ZP3: variants seen among roughly 807,000 people sequenced by gnomAD.
ZP3 encodes the protein zona pellucida glycoprotein 3.
Under a neutral mutation model 35.6 loss-of-function variants are expected in ZP3, and 21 were observed. The ratio of observed to expected loss-of-function variants is 0.59; its 90% CI spans 0.42 to 0.85. The LOEUF (loss-of-function observed/expected upper bound fraction) is 0.85, where lower values mean the gene tolerates loss of function less well. ZP3 is among the 40% of genes least tolerant of loss of function. ZP3 has a pLI of 0.00. For synonymous variants in ZP3, 207 were observed against 214.5 expected (o/e 0.96, Z 0.31); for missense variants, 437 against 536.5 (o/e 0.81, Z 1.83).
At chr7:76,427,482 C>T (rs1805702667) in intron 1 of ZP3, among the ~76,000 whole-genome samples, 1 of 146,730 alleles carries the variant, frequency 6.8e-6, no homozygotes, top group South Asian at 2.1e-4. Context: ...TGCCACTGCA[C>T]TCCAGCCTGG....
upstream of ZP3, among the ~76,000 whole-genome samples, chr7:76,423,947 C>A (rs1484565771): frequency 6.6e-6 from 1 of 152,016 alleles, no homozygotes; most frequent in Non-Finnish European, 1.5e-5. Context: ...GGGGATTCAC[C>A]CAGGAATGAA....
chr7:76,413,728 G>A (rs960816618), intron 1 of ZP3, among the ~76,000 whole-genome samples: 7 of 151,656 alleles, frequency 4.6e-5, no homozygotes, highest in South Asian at 2.1e-4. Flanking sequence ...GTGTAGTGGC[G>A]TGATCATAGC....
chr7:76,441,322 T>C (rs1334252794), intron 7 of ZP3, among the ~76,000 whole-genome samples: 1 of 149,126 alleles, frequency 6.7e-6, no homozygotes, highest in Admixed American at 6.7e-5. Context: ...AAAAAGATGA[T>C]GTACTAGGGA....
intron 1 of ZP3, 121 bp downstream of exon 1, chr7:76,425,397 G>T: frequency 8.9e-7 from 1 of 1,122,248 alleles, no homozygotes; most frequent in Non-Finnish European, 1.2e-6. Flanking sequence ...TGTAGGTGGG[G>T]AGGTGGCCCA....
chr7:76,421,878 C>T (rs1164737783), upstream of ZP3, among the ~76,000 whole-genome samples: 4 of 151,188 alleles, frequency 2.6e-5, no homozygotes, highest in Non-Finnish European at 5.9e-5. Flanking sequence ...CCTGATAGGA[C>T]CCTTGCAGTA....
intron 2 of ZP3, among the ~76,000 whole-genome samples, chr7:76,432,348 C>G (rs1360293585): frequency 6.6e-6 from 1 of 151,994 alleles, no homozygotes; most frequent in Admixed American, 6.6e-5. Flanking sequence ...GCCACCATGC[C>G]CGGATAATTT....
chr7:76,399,012 T>C (rs1804729920), intron 1 of ZP3, among the ~76,000 whole-genome samples: 1 of 152,136 alleles, frequency 6.6e-6, no homozygotes, highest in African/African-American at 2.4e-5. Flanking sequence ...TGTTGTTTTT[T>C]ATTTTATTTT....
Position 76,440,494 on chromosome 7 carries a change from T to C in ZP3, c.943T>C (p.Ser315Pro), listed in dbSNP as rs2906999. 0.54 allele frequency: 831,655 copies of C among 1,534,510 alleles called. 209,915 individuals carry two copies. Among genetic ancestry groups the C allele is most frequent in the African/African-American group, 0.66 (47,447 of 71,756 alleles). Residue 315 changes from serine (S) to proline (P), a missense_variant, in exon 7 of 8, where the codon TCG becomes CCG. This residue lies in a region of ZP3 where 26 missense variants were observed against 78.2 expected (regional missense o/e 0.33). Transcript: ENST00000394857. ...TCTCAGCTGGTTCCCAGTGGAAGGC[T>C]CGGCTGACATCTGTCAATGCTGTAA... ...PSNSWFPVEG[S>P]ADICQCCNKG...
rs190681385 is a variant in ZP3 at position 76,400,496 on chromosome 7, C to T, written c.-67+2699C>T. 9.4e-6 allele frequency: 15 copies of T among 1,600,462 alleles called. 1 individual carries two copies. The highest frequency in any genetic ancestry group is 6.8e-5 in the Admixed American group (4 of 58,544). ...CGACACACTACGTTGGCGTCCACCA[C>T]GTCCCAGTCGTCATCACAGACGCTG... On this transcript the variant is annotated intron_variant, in intron 1 of 8. Transcript: ENST00000336517.
At chr7:76,423,053 A>AAGAAAGAAAGAAAG (rs1805556653), upstream of ZP3, among the ~76,000 whole-genome samples, 3 of 135,626 alleles carry the variant, frequency 2.2e-5, no homozygotes, top group Non-Finnish European at 3.2e-5. Flanking sequence ...GAAAGAAAGA[A>AAGAAAGAAAGAAAG]AGAAAGAAAG....
At chr7:76,411,104 C>T in intron 1 of ZP3, among the ~76,000 whole-genome samples, 1 of 152,092 alleles carries the variant, frequency 6.6e-6, no homozygotes. Flanking sequence ...TTCCTCCCTC[C>T]CTCCTCCCCT....
chr7:76,416,827 T>TAC (rs1554623886), intron 1 of ZP3, among the ~76,000 whole-genome samples: 9 of 147,764 alleles, frequency 6.1e-5, no homozygotes, highest in East Asian at 5.9e-4. Flanking sequence ...TATATATATA[T>TAC]ACATATACAT....
upstream of ZP3, among the ~76,000 whole-genome samples, chr7:76,421,925 G>T (rs1356633845): frequency 6.6e-6 from 1 of 151,770 alleles, no homozygotes; most frequent in African/African-American, 2.4e-5. Context: ...GAGACAGAGT[G>T]TTGCTCTGTT....
Position 76,399,685 on chromosome 7 carries a change from C to T in ZP3, c.-67+1888C>T, listed in dbSNP as rs111644282. 1.9e-3 allele frequency among the ~76,000 whole-genome samples: 295 copies of T among 152,108 alleles called. 3 individuals are homozygous for T. The highest frequency in any genetic ancestry group is 6.9e-3 in the African/African-American group (285 of 41,518). On this transcript the variant is annotated intron_variant, in intron 1 of 8. Transcript: ENST00000336517. ...CAAGTAGCTGGGACCGCCCCCAACA[C>T]CTTGCTAATTTTTCTGATTTTTCGT...
At chr7:76,428,130 A>T (rs1376038511) in intron 1 of ZP3, among the ~76,000 whole-genome samples, 1 of 149,726 alleles carries the variant, frequency 6.7e-6, no homozygotes, top group Non-Finnish European at 1.5e-5. Context: ...GTTCGAGACC[A>T]GCCTGGCTAA....
chr7:76,416,911 C>CACACAT (rs1425742060), intron 1 of ZP3, among the ~76,000 whole-genome samples: 2,527 of 136,554 alleles, frequency 0.019, 61 homozygotes, highest in African/African-American at 0.066. Context: ...CATATGTATA[C>CACACAT]ATACATATAT....
intron 1 of ZP3, chr7:76,404,460 C>T (rs1196513527): frequency 1.2e-6 from 2 of 1,613,770 alleles, no homozygotes; most frequent in Non-Finnish European, 8.5e-7. Flanking sequence ...AAGGGTGTTT[C>T]AGATGCTCCC....
At chr7:76,406,266 C>G (rs996950577) in intron 1 of ZP3, among the ~76,000 whole-genome samples, 1 of 152,194 alleles carries the variant, frequency 6.6e-6, no homozygotes, top group African/African-American at 2.4e-5. Flanking sequence ...GCATGAGCCA[C>G]CGCACCTGGT....
upstream of ZP3, chr7:76,424,825 A>G: frequency 1.4e-6 from 1 of 729,892 alleles, no homozygotes; most frequent in Non-Finnish European, 2.2e-6. Context: ...ATGCTTCTGG[A>G]TGGAGACCAC....
Sources: gnomAD v4.1 joint callset for allele counts (sites outside exome capture counted in the v4.1 genomes callset) on GRCh38, gnomAD v4.1.1 for gene constraint, gnomAD v4.1.1 regional missense constraint, MANE v1.5 for transcripts, NCBI Gene and HGNC (gene_info 2026-07-23, HGNC 2026-07-21) for gene names.